Variants in CNTNAP4 observed in about 807,000 individuals in gnomAD.
CNTNAP4 encodes the protein contactin-associated protein-like 4.
CNTNAP4 carries 98 observed loss-of-function variants against 148.4 expected under a neutral mutation model. The observed-to-expected ratio is 0.66, with a 90% CI of 0.56 to 0.78. The LOEUF is 0.78. Among genes scored for constraint, CNTNAP4 ranks in the 30% least tolerant of loss-of-function variants. The probability of loss-of-function intolerance (pLI) is 0.00; values close to 1 mark genes in which losing one functional copy is unlikely to be tolerated. For missense variants in CNTNAP4, 1,935 were observed against 1,565.6 expected (o/e 1.24, Z -3.98); for synonymous variants, 730 against 565.1 (o/e 1.29, Z -4.14).
chr16:76,432,960 C>T (rs1431975688), intron 4 of CNTNAP4, among the ~76,000 whole-genome samples: 1 of 152,150 alleles, frequency 6.6e-6, no homozygotes, highest in Non-Finnish European at 1.5e-5. Flanking sequence ...CACCAGCCTT[C>T]ATTTCTCTAT....
intron 17 of CNTNAP4, among the ~76,000 whole-genome samples, chr16:76,534,688 C>T (rs2084139080): frequency 6.6e-6 from 1 of 152,126 alleles, no homozygotes; most frequent in African/African-American, 2.4e-5. Flanking sequence ...ATTCACAACC[C>T]TATTTTTGGA....
intron 1 of CNTNAP4, among the ~76,000 whole-genome samples, chr16:76,303,859 T>TC (rs1403344260): frequency 6.6e-6 from 1 of 152,064 alleles, no homozygotes; most frequent in African/African-American, 2.4e-5. Flanking sequence ...TTCAGTAAAA[T>TC]CCCCTTTTTT....
chr16:76,289,869 C>G (rs937574573), intron 1 of CNTNAP4, among the ~76,000 whole-genome samples: 1 of 152,228 alleles, frequency 6.6e-6, no homozygotes. Context: ...CCGCACCTGT[C>G]CTTATTTTCC....
At chr16:76,553,054 C>T (rs9927836) in intron 21 of CNTNAP4, among the ~76,000 whole-genome samples, 53,082 of 152,094 alleles carry the variant, frequency 0.35, 10,118 homozygotes, top group East Asian at 0.55. Flanking sequence ...GGGAGCTTAC[C>T]ATATCACTTT....
At chr16:76,385,720 A>G (rs181889659) in intron 3 of CNTNAP4, among the ~76,000 whole-genome samples, 121 of 152,260 alleles carry the variant, frequency 7.9e-4, no homozygotes, top group African/African-American at 2.8e-3. Context: ...ACCCATCAAT[A>G]CGTAACCTTG....
intron 1 of CNTNAP4, 61 bp from the exon 2 acceptor site, chr16:76,316,352 A>T (rs555020134): frequency 9.4e-7 from 1 of 1,068,712 alleles, no homozygotes; most frequent in Non-Finnish European, 1.4e-6. Flanking sequence ...TGTTTTGTCT[A>T]TTGATTCCAC....
At chr16:76,434,798 C>A (rs978147505) in intron 4 of CNTNAP4, among the ~76,000 whole-genome samples, 1 of 152,140 alleles carries the variant, frequency 6.6e-6, no homozygotes, top group Non-Finnish European at 1.5e-5. Context: ...ATGTCTGTGC[C>A]AATTATGCAT....
intron 8 of CNTNAP4, among the ~76,000 whole-genome samples, chr16:76,460,961 C>G (rs73619499): frequency 0.015 from 2,343 of 151,264 alleles, 65 homozygotes; most frequent in African/African-American, 0.053. Flanking sequence ...CTCAATCAGT[C>G]AATACATAAT....
chr16:76,432,438 A>G (rs1216722600), intron 4 of CNTNAP4: 1 of 152,190 alleles, frequency 6.6e-6, no homozygotes, highest in Non-Finnish European at 1.5e-5. Flanking sequence ...GCTAAATTTT[A>G]TGGGATCAAA....
At chr16:76,369,858 G>GGA (rs111937036) in intron 3 of CNTNAP4, among the ~76,000 whole-genome samples, 37 of 150,248 alleles carry the variant, frequency 2.5e-4, no homozygotes, top group South Asian at 8.4e-4. Flanking sequence ...AGGGAGGGAG[G>GGA]GAGAGAGAGA....
rs1031746237 is a variant in CNTNAP4, at chr16:76,544,410, C to T, written c.3442+3620C>T. Reference sequence around the variant, plus strand: ...TTGCTGACCCTGTTAAAAAATATTACTAGCAGATATTGAGAAAGGTGGGTG... The same window carrying T: ...TTGCTGACCCTGTTAAAAAATATTATTAGCAGATATTGAGAAAGGTGGGTG... On this transcript the variant is annotated intron_variant, in intron 21 of 23. Coordinates refer to ENST00000611870, the MANE Select transcript of CNTNAP4 (RefSeq NM_033401.5). Among the ~76,000 whole-genome samples the T allele has an allele frequency of 2.6e-5, 4 of 152,202 alleles. No homozygotes were observed. In the South Asian group the frequency reaches 6.2e-4, roughly 24 times the overall value.
intron 13 of CNTNAP4, among the ~76,000 whole-genome samples, chr16:76,490,170 T>C (rs2082162388): frequency 6.6e-6 from 1 of 152,238 alleles, no homozygotes; most frequent in African/African-American, 2.4e-5. Flanking sequence ...CTTCTGATAC[T>C]CAGTGAATGC....
rs1029001667 is a variant in CNTNAP4, at chr16:76,560,086, T to C, written c.*1403T>C. On this transcript the variant is annotated 3_prime_UTR_variant, in exon 24 of 24. Coordinates refer to ENST00000611870, the MANE Select transcript of CNTNAP4 (RefSeq NM_033401.5). ...CTTATGGAACTGTTACAATAATTAA[T>C]CTTGAGACCATGCATACAAGGAACT... 2.0e-5 allele frequency among the ~76,000 whole-genome samples: 3 copies of C among 152,148 alleles called. No homozygotes were observed. Among genetic ancestry groups the C allele is most frequent in the Non-Finnish European group, 4.4e-5 (3 of 68,008 alleles).
intron 1 of CNTNAP4, among the ~76,000 whole-genome samples, chr16:76,314,872 T>A (rs1012008157): frequency 1.3e-5 from 2 of 152,206 alleles, no homozygotes; most frequent in Admixed American, 1.3e-4. Flanking sequence ...TTTCTCAAGG[T>A]AACCAAGATC....
At chr16:76,530,723 T>G (rs2083943469) in intron 17 of CNTNAP4, among the ~76,000 whole-genome samples, 1 of 152,204 alleles carries the variant, frequency 6.6e-6, no homozygotes, top group Non-Finnish European at 1.5e-5. Context: ...GATAGTTCTT[T>G]GAACACAAGG....
chr16:76,513,583 A>G (rs2083114466), intron 15 of CNTNAP4, among the ~76,000 whole-genome samples: 1 of 152,222 alleles, frequency 6.6e-6, no homozygotes, highest in Admixed American at 6.5e-5. Context: ...CTAATACTTT[A>G]ATTAATATTT....
chr16:76,528,216 G>A (rs958635580), intron 17 of CNTNAP4, among the ~76,000 whole-genome samples: 6 of 151,838 alleles, frequency 4.0e-5, no homozygotes, highest in African/African-American at 1.5e-4. Flanking sequence ...TTACTAACTG[G>A]GTCTATGTTG....
intron 20 of CNTNAP4, 110 bp from the exon 21 acceptor site, chr16:76,540,593 A>C: frequency 1.6e-6 from 1 of 638,632 alleles, no homozygotes; most frequent in South Asian, 2.4e-5. Context: ...GTTTGGGGCC[A>C]TGCTAACAAC....
chr16:76,375,058 C>T (rs1224014987), intron 3 of CNTNAP4, among the ~76,000 whole-genome samples: 2 of 152,088 alleles, frequency 1.3e-5, no homozygotes, highest in African/African-American at 2.4e-5. Flanking sequence ...CGTCAGCCAT[C>T]ACGCCCGGCC....
Sources: gnomAD v4.1 joint callset for allele counts (sites outside exome capture counted in the v4.1 genomes callset) on GRCh38, gnomAD v4.1.1 for gene constraint, MANE v1.5 for transcripts, NCBI Gene and HGNC (gene_info 2026-07-23, HGNC 2026-07-21) for gene names.